ADAM32: variants seen among roughly 807,000 people sequenced by gnomAD.
ADAM32 encodes ADAM metallopeptidase domain 32.
In ADAM32, 89 loss-of-function variants were observed where a neutral mutation model predicts 114.9. That is an observed-to-expected ratio of 0.77 (90% CI 0.65 to 0.92). ADAM32 has a LOEUF of 0.92. Among genes scored for constraint, ADAM32 ranks in the 40% least tolerant of loss-of-function variants. ADAM32 has a pLI of 0.00. For synonymous variants in ADAM32, 285 were observed against 307.5 expected (o/e 0.93, Z 0.77); for missense variants, 870 against 932.8 (o/e 0.93, Z 0.88).
chr8:39,239,319 T>C (rs1326742819), intron 16 of ADAM32, among the ~76,000 whole-genome samples: 1 of 152,160 alleles, frequency 6.6e-6, no homozygotes, highest in Non-Finnish European at 1.5e-5. Flanking sequence ...GCAGTGAAAC[T>C]AAGCTTCATA....
intron 7 of ADAM32, among the ~76,000 whole-genome samples, chr8:39,162,663 A>T (rs746380238): frequency 2.0e-5 from 3 of 152,132 alleles, no homozygotes; most frequent in Non-Finnish European, 2.9e-5. Context: ...TGCTGATTAA[A>T]CATTTCTTCT....
intron 19 of ADAM32, among the ~76,000 whole-genome samples, chr8:39,259,351 C>T (rs1036375763): frequency 2.0e-5 from 3 of 152,044 alleles, no homozygotes; most frequent in African/African-American, 7.2e-5. Context: ...AGGCGTGCAC[C>T]ACCACGCCTG....
chr8:39,228,243 C>G (rs138866791), intron 14 of ADAM32, among the ~76,000 whole-genome samples: 210 of 152,254 alleles, frequency 1.4e-3, no homozygotes, highest in African/African-American at 4.8e-3. Context: ...ACCAGAAAAC[C>G]AATCCTGGTA....
At chr8:39,118,920 T>A (rs1840485378) in intron 2 of ADAM32, among the ~76,000 whole-genome samples, 1 of 152,214 alleles carries the variant, frequency 6.6e-6, no homozygotes, top group Non-Finnish European at 1.5e-5. Flanking sequence ...GTAGTTCTTC[T>A]CCAGCCCTTG....
chr8:39,218,239 T>C (rs1293267750), intron 12 of ADAM32, among the ~76,000 whole-genome samples: 1 of 152,220 alleles, frequency 6.6e-6, no homozygotes, highest in Non-Finnish European at 1.5e-5. Context: ...TTTCTTTCTG[T>C]GCTGACTGTC....
chr8:39,131,672 T>C (rs1802464687), intron 2 of ADAM32, among the ~76,000 whole-genome samples: 1 of 152,212 alleles, frequency 6.6e-6, no homozygotes, highest in Non-Finnish European at 1.5e-5. Flanking sequence ...GCACTTACAA[T>C]TTTTATGTCT....
chr8:39,125,711 G>A (rs561338917), intron 2 of ADAM32, among the ~76,000 whole-genome samples: 1 of 152,166 alleles, frequency 6.6e-6, no homozygotes, highest in African/African-American at 2.4e-5. Context: ...TGTTGCAATT[G>A]CTTTTGGTGT....
chr8:39,142,462 A>G (rs1803221696), intron 3 of ADAM32, among the ~76,000 whole-genome samples: 1 of 152,150 alleles, frequency 6.6e-6, no homozygotes, highest in Non-Finnish European at 1.5e-5. Context: ...TCACTTATGA[A>G]GCTTAATTTG....
chr8:39,276,214 G>C (rs1813061557), intron 22 of ADAM32: 1 of 195,674 alleles, frequency 5.1e-6, no homozygotes. Flanking sequence ...TTTTTATTTG[G>C]AGATGGCACA....
intron 16 of ADAM32, among the ~76,000 whole-genome samples, chr8:39,241,451 G>A (rs931330358): frequency 3.3e-5 from 5 of 152,348 alleles, no homozygotes; most frequent in Admixed American, 6.5e-5. Context: ...GGTTCTCCAT[G>A]AGGGCTCCAC....
In ADAM32 at chr8:39,151,639, A is replaced by C. The variant is rs560626224; in HGVS notation, c.525+91A>C. The C allele has an allele frequency of 4.7e-6, 4 of 857,164 alleles. No homozygotes were observed. In the South Asian group the frequency reaches 7.9e-5, roughly 17 times the overall value. 53.1% of individuals were successfully genotyped at this position (857,164 alleles called of 1,614,324 possible). The stretch of plus-strand genomic sequence containing the variant: ...AATAAATTTATAAGCCCACTGTAGA[A>C]TTGTAGCAAATATCCTTTCCTTGTG... On this transcript the variant is annotated intron_variant, in intron 6 of 24. Transcript: ENST00000379907.
At chr8:39,279,343 G>A (rs1308649937) in intron 22 of ADAM32, among the ~76,000 whole-genome samples, 1 of 152,040 alleles carries the variant, frequency 6.6e-6, no homozygotes, top group Non-Finnish European at 1.5e-5. Context: ...GGAATGCAGT[G>A]GCGCGAGCTC....
At chr8:39,130,993 G>C (rs892313616) in intron 2 of ADAM32, 6 of 359,318 alleles carry the variant, frequency 1.7e-5, no homozygotes, top group Admixed American at 1.2e-4. Context: ...GTCTTGCTCT[G>C]TTGCCCAGGC....
Position 39,221,478 on chromosome 8 carries a change from A to G in ADAM32, c.1234-132A>G, listed in dbSNP as rs566317623. ...GTGTTTTAAATATTTAAAGATGTTA[A>G]AACCTGTAACTATCAGCAGCATTCA... On this transcript the variant is annotated intron_variant, in intron 12 of 24. Transcript: ENST00000379907. 401 of 674,776 alleles carry G rather than the reference A, an allele frequency of 5.9e-4. No homozygotes were observed. The African/African-American group carries it at 6.7e-3, about 11-fold the overall frequency. 41.8% of individuals were successfully genotyped at this position (674,776 alleles called of 1,614,324 possible).
chr8:39,107,761 C>T lies in ADAM32; in HGVS notation c.-15C>T, dbSNP rs367754097. ...CTTCCCAACGGCTTCCCGCTGGCAG[C>T]CCCGAAGCCGCACCATGTTCCGCCT... is the stretch of plus-strand genomic sequence containing the variant. On this transcript the variant is annotated 5_prime_UTR_variant, in exon 1 of 25. Transcript: ENST00000379907. 4.1e-4 allele frequency: 639 copies of T among 1,550,210 alleles called. 1 individual carries two copies. Among genetic ancestry groups the T allele is most frequent in the Non-Finnish European group, 5.2e-4 (598 of 1,146,638 alleles).
intron 5 of ADAM32, 67 bp downstream of exon 5, chr8:39,149,934 T>A: frequency 1.5e-6 from 2 of 1,364,294 alleles, no homozygotes; most frequent in Non-Finnish European, 1.0e-6. Flanking sequence ...ATTTGTTCTC[T>A]TTGTATTAAG....
chr8:39,230,594 A>C (rs1018280205), intron 14 of ADAM32, among the ~76,000 whole-genome samples: 4 of 152,178 alleles, frequency 2.6e-5, no homozygotes, highest in Non-Finnish European at 5.9e-5. Context: ...TCTCACATTC[A>C]CTATTGAACT....
chr8:39,204,369 A>G (rs537140718), intron 11 of ADAM32, among the ~76,000 whole-genome samples: 38 of 152,148 alleles, frequency 2.5e-4, no homozygotes, highest in African/African-American at 9.2e-4. Flanking sequence ...TTCTCGCTTC[A>G]TTTCATTCAT....
intron 24 of ADAM32, among the ~76,000 whole-genome samples, chr8:39,284,024 T>G (rs1813620468): frequency 6.6e-6 from 1 of 152,194 alleles, no homozygotes. Flanking sequence ...TCTGCCCCCC[T>G]CAGCCTCCCA....
Sources: allele counts gnomAD v4.1 joint callset (sites outside exome capture counted in the v4.1 genomes callset), GRCh38; gene constraint gnomAD v4.1.1; transcripts MANE v1.5; gene names NCBI Gene and HGNC (gene_info 2026-07-23, HGNC 2026-07-21).